Variants in ZNF516 observed in about 807,000 individuals in gnomAD.
The protein encoded by ZNF516 is zinc finger protein 516.
Under a neutral mutation model 79.7 loss-of-function variants are expected in ZNF516, and 19 were observed. That is an observed-to-expected ratio of 0.24 (90% CI 0.17 to 0.35). The LOEUF (loss-of-function observed/expected upper bound fraction) is 0.35. Ranked by LOEUF, ZNF516 falls within the 10% of genes least tolerant of loss-of-function variation. ZNF516 has a pLI of 1.00. For missense variants in ZNF516, 1,678 were observed against 1,679.5 expected (o/e 1.00, Z 0.02); for synonymous variants, 877 against 739.5 (o/e 1.19, Z -3.02).
intron 3 of ZNF516, among the ~76,000 whole-genome samples, chr18:76,400,813 G>A (rs1179729087): frequency 6.6e-6 from 1 of 152,120 alleles, no homozygotes; most frequent in Non-Finnish European, 1.5e-5. Context: ...GGATACCTAA[G>A]GAAAAGATCT....
At position 76,379,006 on chromosome 18, in the gene ZNF516, GGGC is replaced by G; in HGVS notation, c.3105_3107del (p.Pro1037del). On this transcript the variant is annotated inframe_deletion, in exon 4 of 7. Transcript: ENST00000443185. ...CCTGTTTGATGGAGTGTAGGACGGG[GGGC>G]GCCCCAGCCACGCCGGGCTGGGCCT... The G allele has an allele frequency of 6.2e-7, 1 of 1,612,722 alleles. No homozygotes were observed. Among genetic ancestry groups the G allele is most frequent in the Non-Finnish European group, 8.5e-7 (1 of 1,179,714 alleles).
intron 3 of ZNF516, among the ~76,000 whole-genome samples, chr18:76,416,172 C>T (rs534026364): frequency 6.6e-6 from 1 of 152,356 alleles, no homozygotes; most frequent in African/African-American, 2.4e-5. Context: ...GTAATGAAAA[C>T]CACTTTGCAG....
chr18:76,495,709 A>G (rs1219020269), upstream of ZNF516: 4 of 1,191,626 alleles, frequency 3.4e-6, no homozygotes, highest in Non-Finnish European at 4.2e-6. Context: ...CGTGCTCGGG[A>G]TGCGGGTCCC....
In ZNF516 at chr18:76,371,653, C is replaced by G. The variant is rs564208260; in HGVS notation, c.3260-82G>C. ...AGGAGGCAGGAGAGCGAGGGGGAAGCGAGAGGAAAACATCATTAGTCTGTC... is the reference window on the plus strand; with the variant it reads ...AGGAGGCAGGAGAGCGAGGGGGAAGGGAGAGGAAAACATCATTAGTCTGTC... On this transcript the variant is annotated intron_variant, in intron 4 of 6. Coordinates refer to ENST00000443185, the MANE Select transcript of ZNF516 (RefSeq NM_014643.4). 7.9e-5 allele frequency: 89 copies of G among 1,124,830 alleles called. No homozygotes were observed. In the South Asian group the frequency reaches 1.0e-3, roughly 13 times the overall value. 69.7% of individuals were successfully genotyped at this position (1,124,830 alleles called of 1,614,324 possible).
intron 2 of ZNF516, among the ~76,000 whole-genome samples, chr18:76,448,024 CATTT>C (rs1177242369): frequency 6.6e-6 from 1 of 152,008 alleles, no homozygotes; most frequent in Admixed American, 6.5e-5. Flanking sequence ...GTAACAATCA[CATTT>C]ATTAAAAAAC....
intron 3 of ZNF516, among the ~76,000 whole-genome samples, chr18:76,406,400 CTAAAA>C (rs1365594727): frequency 6.6e-6 from 1 of 152,128 alleles, no homozygotes; most frequent in African/African-American, 2.4e-5. Context: ...CCCGTCTCTA[CTAAAA>C]ATACAAAAAT....
chr18:76,441,790 G>A lies in ZNF516; in HGVS notation c.1265C>T (p.Ala422Val). 1 of 1,558,916 alleles carries A rather than the reference G, an allele frequency of 6.4e-7. No homozygotes were observed. Among genetic ancestry groups the A allele is most frequent in the Non-Finnish European group, 8.6e-7 (1 of 1,158,980 alleles). The change falls in exon 3 of 7, where the codon GCC becomes GTC. Residue 422 changes from alanine (A) to valine (V), a missense_variant. Transcript: ENST00000443185. ...PVNSYQAWQL[A>V]TRGKVAEPAE... ...CGGCTCGGCCACCTTACCCCGCGTG[G>A]CCAGCTGCCAGGCCTGGTAGCTGTT...
At chr18:76,481,422 T>C (rs914575830) in intron 1 of ZNF516, among the ~76,000 whole-genome samples, 1 of 152,152 alleles carries the variant, frequency 6.6e-6, no homozygotes, top group Admixed American at 6.5e-5. Flanking sequence ...GACACTGGTC[T>C]CCCATAGTGT....
intron 3 of ZNF516, among the ~76,000 whole-genome samples, chr18:76,389,961 G>A (rs1568251717): frequency 6.6e-6 from 1 of 152,288 alleles, no homozygotes; most frequent in East Asian, 1.9e-4. Flanking sequence ...TTTATTACAT[G>A]AGGCAGTATG....
intron 2 of ZNF516, among the ~76,000 whole-genome samples, chr18:76,450,951 A>C (rs1912372272): frequency 6.6e-6 from 1 of 152,150 alleles, no homozygotes; most frequent in Non-Finnish European, 1.5e-5. Flanking sequence ...TATCCCGAAA[A>C]AGGCACCGGA....
rs1912416070 is a variant in ZNF516, at chr18:76,451,573, C to T, written c.-157-8362G>A. Among the ~76,000 whole-genome samples, 1 of 152,218 alleles carries T rather than the reference C, an allele frequency of 6.6e-6. No individual in the cohort carries two copies. The highest frequency in any genetic ancestry group is 1.5e-5 in the Non-Finnish European group (1 of 68,044). On this transcript the variant is annotated intron_variant, in intron 2 of 6. Coordinates refer to ENST00000443185, the MANE Select transcript of ZNF516 (RefSeq NM_014643.4). The surrounding 1 kb of genome is among the most constrained non-coding windows in gnomAD (Gnocchi z 6.0). Reference sequence around the variant, plus strand: ...AAAGAGCAACTACGCTGGTGCGTTTCTGAAGGACGACTCTCAGACACGGTT... The same window carrying T: ...AAAGAGCAACTACGCTGGTGCGTTTTTGAAGGACGACTCTCAGACACGGTT...
intron 1 of ZNF516, among the ~76,000 whole-genome samples, chr18:76,473,945 T>C (rs1444699145): frequency 6.9e-6 from 1 of 145,690 alleles, no homozygotes; most frequent in Non-Finnish European, 1.5e-5. Context: ...GGTCTTACTC[T>C]GTGTTGCCCA....
At position 76,441,613 on chromosome 18, in the gene ZNF516, G is replaced by A. The variant is rs548028746; in HGVS notation, c.1442C>T (p.Ala481Val). ...GGGCGCGGGGTCCCCAGGCCCGCTC[G>A]CGCGCTTCCGCGGGGGCCCCTGCGC... Reference protein sequence around the residue: ...PAAQGPPRKRASGPGDPAPAG... With the variant: ...PAAQGPPRKRVSGPGDPAPAG... The change falls in exon 3 of 7, where the codon GCG becomes GTG. Residue 481 changes from alanine (A) to valine (V), a missense_variant. By Grantham distance (64) the Ala-to-Val change is moderately conservative. This residue lies in a region of ZNF516 where 1,294 missense variants were observed against 1,248.3 expected (regional missense o/e 1.04). Coordinates refer to ENST00000443185, the MANE Select transcript of ZNF516 (RefSeq NM_014643.4). 21 of 1,490,646 alleles carry A rather than the reference G, an allele frequency of 1.4e-5. No individual in the cohort carries two copies. The African/African-American group carries it at 2.6e-4, about 19-fold the overall frequency. 92.3% of individuals were successfully genotyped at this position (1,490,646 alleles called of 1,614,324 possible). A position where few individuals can be genotyped will look rare whatever the true frequency, so the allele number is the denominator to read the frequency against.
chr18:76,391,531 C>T (rs1174892867), intron 3 of ZNF516, among the ~76,000 whole-genome samples: 1 of 152,198 alleles, frequency 6.6e-6, no homozygotes, highest in Non-Finnish European at 1.5e-5. Context: ...AACACCTAAC[C>T]CTAACCCAAC....
intron 3 of ZNF516, among the ~76,000 whole-genome samples, chr18:76,405,493 C>T (rs2075291870): frequency 6.6e-6 from 1 of 152,158 alleles, no homozygotes; most frequent in Admixed American, 6.5e-5. Flanking sequence ...TGAGCACAGC[C>T]AGCAGGCAGC....
At chr18:76,391,341 A>G (rs150487687) in intron 3 of ZNF516, among the ~76,000 whole-genome samples, 1 of 152,122 alleles carries the variant, frequency 6.6e-6, no homozygotes, top group Non-Finnish European at 1.5e-5. Context: ...AACTAACATG[A>G]ACACCTGATC....
intron 3 of ZNF516, among the ~76,000 whole-genome samples, chr18:76,410,968 G>A (rs2075366869): frequency 6.6e-6 from 1 of 152,208 alleles, no homozygotes; most frequent in African/African-American, 2.4e-5. Context: ...GAACTTGCAT[G>A]TCCTAAAAGC....
intron 1 of ZNF516, chr18:76,488,195 A>G: frequency 1.0e-6 from 1 of 985,392 alleles, no homozygotes; most frequent in Non-Finnish European, 1.2e-6. Context: ...ATGCAACTCT[A>G]AATGAGATGC....
chr18:76,368,677 A>G (rs1465249647), intron 6 of ZNF516, among the ~76,000 whole-genome samples: 1 of 152,260 alleles, frequency 6.6e-6, no homozygotes, highest in African/African-American at 2.4e-5. Flanking sequence ...CTAGAGAGAC[A>G]AAGAGAACAA....
Sources: allele counts gnomAD v4.1 joint callset (sites outside exome capture counted in the v4.1 genomes callset), GRCh38; gene constraint gnomAD v4.1.1; regional missense constraint gnomAD v4.1.1; non-coding constraint Gnocchi (gnomAD v3.1); transcripts MANE v1.5; gene names NCBI Gene and HGNC (gene_info 2026-07-23, HGNC 2026-07-21).